PTPRD: variants seen among roughly 807,000 people sequenced by gnomAD.
PTPRD encodes the protein receptor-type tyrosine-protein phosphatase delta.
A neutral mutation model predicts 214.5 loss-of-function variants in PTPRD; 34 were observed. The ratio of observed to expected loss-of-function variants is 0.16; its 90% CI spans 0.12 to 0.21. PTPRD has a LOEUF of 0.21. PTPRD is among the 10% of genes least tolerant of loss of function. The pLI is 1.00. For missense variants in PTPRD, 2,545 were observed against 2,398.7 expected (o/e 1.06, Z -1.27); for synonymous variants, 1,128 against 845.7 (o/e 1.33, Z -5.79).
intron 4 of PTPRD, among the ~76,000 whole-genome samples, chr9:10,012,110 AT>A (rs1230363586): frequency 6.6e-6 from 1 of 151,982 alleles, no homozygotes; most frequent in Non-Finnish European, 1.5e-5. Context: ...TCATCAAATG[AT>A]TTTTAATATT....
At chr9:10,440,437 A>G (rs956665727) in intron 2 of PTPRD, among the ~76,000 whole-genome samples, 2 of 151,816 alleles carry the variant, frequency 1.3e-5, no homozygotes, top group African/African-American at 4.8e-5. Flanking sequence ...GAAATATTTT[A>G]AGAACAGCTG....
intron 11 of PTPRD, among the ~76,000 whole-genome samples, chr9:8,945,406 C>T (rs535286240): frequency 1.3e-5 from 2 of 152,080 alleles, no homozygotes; most frequent in Admixed American, 6.6e-5. Flanking sequence ...TTCACTTTTC[C>T]GTTTTTACTC....
intron 4 of PTPRD, among the ~76,000 whole-genome samples, chr9:10,018,609 G>A (rs1430795746): frequency 2.3e-5 from 3 of 130,776 alleles, no homozygotes; most frequent in African/African-American, 8.0e-5. Context: ...GTGCAGTGGC[G>A]GGATCTCGGC....
intron 22 of PTPRD, 71 bp downstream of exon 22, chr9:8,507,230 A>C: frequency 9.8e-6 from 15 of 1,537,226 alleles, no homozygotes; most frequent in Non-Finnish European, 1.1e-5. Context: ...GAATGTGGAT[A>C]AATACACAAA....
Position 10,098,102 on chromosome 9 carries a change from A to T in PTPRD, c.-544-64312T>A, listed in dbSNP as rs528006069. On this transcript the variant is annotated intron_variant, in intron 3 of 45. Coordinates refer to ENST00000381196, the MANE Select transcript of PTPRD (RefSeq NM_002839.4). ...AGACTTGGAACCAATCCAAATGTCC[A>T]ACAATGATAGACTGGATTAAGAAAA... Among the ~76,000 whole-genome samples, 3 of 151,980 alleles carry T rather than the reference A, an allele frequency of 2.0e-5. No homozygotes were observed. The East Asian group carries it at 5.9e-4, about 30-fold the overall frequency.
chr9:8,693,583 AG>A (rs1370476388), intron 12 of PTPRD, among the ~76,000 whole-genome samples: 4 of 152,182 alleles, frequency 2.6e-5, no homozygotes, highest in Admixed American at 6.5e-5. Flanking sequence ...ATATTCTACG[AG>A]GGGTGTACAT....
chr9:10,482,201 C>G (rs1301548095), intron 2 of PTPRD, among the ~76,000 whole-genome samples: 2 of 151,812 alleles, frequency 1.3e-5, no homozygotes, highest in South Asian at 2.1e-4. Flanking sequence ...GAAACCCCAT[C>G]TCTACTAAAA....
At chr9:8,453,357 G>T (rs1220668687) in intron 33 of PTPRD, among the ~76,000 whole-genome samples, 1 of 151,952 alleles carries the variant, frequency 6.6e-6, no homozygotes, top group Non-Finnish European at 1.5e-5. Context: ...GTAGAGATGT[G>T]GTTTCGCCGT....
At chr9:9,069,684 C>G (rs1210271744) in intron 10 of PTPRD, among the ~76,000 whole-genome samples, 2 of 152,134 alleles carry the variant, frequency 1.3e-5, no homozygotes, top group Non-Finnish European at 2.9e-5. Context: ...TCAGCACCTT[C>G]TAAACTTAAC....
intron 2 of PTPRD, among the ~76,000 whole-genome samples, chr9:10,422,918 C>T (rs977285098): frequency 6.6e-6 from 1 of 152,030 alleles, no homozygotes; most frequent in South Asian, 2.1e-4. Flanking sequence ...GGATCTAGAA[C>T]TAGAAATACC....
At chr9:9,209,051 G>T (rs1186411081) in intron 9 of PTPRD, among the ~76,000 whole-genome samples, 92 of 152,010 alleles carry the variant, frequency 6.1e-4, no homozygotes, top group Non-Finnish European at 1.9e-4. Context: ...CTCGTGATCG[G>T]CCCGCCTTGG....
chr9:8,478,115 T>C (rs10977149), intron 30 of PTPRD, among the ~76,000 whole-genome samples: 60,605 of 152,100 alleles, frequency 0.4, 12,856 homozygotes, highest in African/African-American at 0.56. Flanking sequence ...CTTAGTACCA[T>C]TGGTCCTCAT....
Position 9,909,525 on chromosome 9 carries a change from T to A in PTPRD, c.-368+28982A>T, listed in dbSNP as rs201330467. The stretch of plus-strand genomic sequence containing the variant: ...TAACCCCTCCATTCTAAATGCATTA[T>A]TGGTTGATATATTTATATGAATTTA... On this transcript the variant is annotated intron_variant, in intron 5 of 45. Transcript: ENST00000381196. Among the ~76,000 whole-genome samples, 10 of 152,028 alleles carry A rather than the reference T, an allele frequency of 6.6e-5. No individual in the cohort carries two copies. In the East Asian group the frequency reaches 1.9e-3, roughly 29 times the overall value.
chr9:9,386,349 A>G (rs1230007703), intron 9 of PTPRD, among the ~76,000 whole-genome samples: 4 of 152,122 alleles, frequency 2.6e-5, no homozygotes, highest in Non-Finnish European at 5.9e-5. Context: ...GGCACTGAGA[A>G]AACAACTTCA....
At chr9:9,961,030 C>T (rs113376972) in intron 4 of PTPRD, among the ~76,000 whole-genome samples, 3 of 152,200 alleles carry the variant, frequency 2.0e-5, no homozygotes, top group African/African-American at 4.8e-5. Flanking sequence ...CAAAAGAAGA[C>T]ATTTATGCAG....
At chr9:9,851,774 T>A (rs971098297) in intron 5 of PTPRD, among the ~76,000 whole-genome samples, 1 of 152,188 alleles carries the variant, frequency 6.6e-6, no homozygotes, top group Admixed American at 6.6e-5. Flanking sequence ...AGCGAGACCC[T>A]GTCTCAATTA....
intron 3 of PTPRD, among the ~76,000 whole-genome samples, chr9:10,229,017 GC>G (rs1289984954): frequency 6.6e-6 from 1 of 151,832 alleles, no homozygotes; most frequent in Non-Finnish European, 1.5e-5. Flanking sequence ...CTGATGTTTT[GC>G]CGGTATATGA....
chr9:9,450,253 A>G (rs928678425), intron 8 of PTPRD, among the ~76,000 whole-genome samples: 8 of 151,864 alleles, frequency 5.3e-5, no homozygotes, highest in Non-Finnish European at 1.0e-4. Context: ...TTTTTTGTAT[A>G]ATGACTTCTT....
chr9:8,965,999 G>T (rs1291241450), intron 11 of PTPRD, among the ~76,000 whole-genome samples: 2 of 152,028 alleles, frequency 1.3e-5, no homozygotes, highest in African/African-American at 4.8e-5. Flanking sequence ...CAATAATGAT[G>T]AAGCTAAGAG....
Sources: allele counts gnomAD v4.1 joint callset (sites outside exome capture counted in the v4.1 genomes callset), GRCh38; gene constraint gnomAD v4.1.1; transcripts MANE v1.5; gene names NCBI Gene and HGNC (gene_info 2026-07-23, HGNC 2026-07-21).